KHDRBS2: variants seen among roughly 807,000 people sequenced by gnomAD.
The protein encoded by KHDRBS2 is KH RNA binding domain containing, signal transduction associated 2.
KHDRBS2 carries 26 observed loss-of-function variants against 44.3 expected under a neutral mutation model. That is an observed-to-expected ratio of 0.59 (90% CI 0.43 to 0.81). The LOEUF is 0.81. Among genes scored for constraint, KHDRBS2 ranks in the 40% least tolerant of loss-of-function variants. KHDRBS2 has a pLI of 0.00. For synonymous variants in KHDRBS2, 194 were observed against 151.1 expected (o/e 1.28, Z -2.08); for missense variants, 476 against 433.1 (o/e 1.10, Z -0.88).
chr6:61,669,900 T>C, the KHDRBS2 span, among the ~76,000 whole-genome samples: 1 of 151,064 alleles, frequency 6.6e-6, no homozygotes, highest in Admixed American at 6.6e-5. Context: ...TAGCTTATTT[T>C]TCACTAAGAA....
chr6:61,666,991 G>GTTTTT, the KHDRBS2 span, among the ~76,000 whole-genome samples: 1 of 140,524 alleles, frequency 7.1e-6, no homozygotes, highest in Non-Finnish European at 1.5e-5. Flanking sequence ...AACCTTCTGG[G>GTTTTT]TTTTTTTTTT....
chr6:61,929,686 T>G (rs1809655690), intron 4 of KHDRBS2, among the ~76,000 whole-genome samples: 1 of 152,112 alleles, frequency 6.6e-6, no homozygotes, highest in African/African-American at 2.4e-5. Context: ...GTTCCTGAAA[T>G]ATAACAAAAA....
At chr6:61,993,664 TA>T (rs1562600792) in intron 3 of KHDRBS2, among the ~76,000 whole-genome samples, 4 of 123,372 alleles carry the variant, frequency 3.2e-5, no homozygotes, top group African/African-American at 1.1e-4. Context: ...TATATATATA[TA>T]TATATATATT....
At chr6:62,153,949 A>G (rs1815797791) in intron 2 of KHDRBS2, among the ~76,000 whole-genome samples, 1 of 152,156 alleles carries the variant, frequency 6.6e-6, no homozygotes, top group Admixed American at 6.5e-5. Context: ...GAGTCACAAA[A>G]TAGGCCTCTC....
chr6:62,111,115 A>G (rs1377811513), intron 2 of KHDRBS2, among the ~76,000 whole-genome samples: 1 of 152,064 alleles, frequency 6.6e-6, no homozygotes, highest in Admixed American at 6.6e-5. Context: ...ATTTAATTGT[A>G]TTTTTCACAC....
At chr6:61,558,472 GGA>G in the KHDRBS2 span, among the ~76,000 whole-genome samples, 1 of 152,116 alleles carries the variant, frequency 6.6e-6, no homozygotes, top group Non-Finnish European at 1.5e-5. Context: ...TGAGATAGGA[GGA>G]TAGCTTGAGC....
chr6:62,147,808 C>A (rs1401007810), intron 2 of KHDRBS2, among the ~76,000 whole-genome samples: 1 of 151,960 alleles, frequency 6.6e-6, no homozygotes, highest in African/African-American at 2.4e-5. Flanking sequence ...AGTTTCTTTG[C>A]TCTTCTCTAT....
chr6:61,903,030 C>T (rs1168874272), intron 4 of KHDRBS2, among the ~76,000 whole-genome samples: 2 of 152,132 alleles, frequency 1.3e-5, no homozygotes, highest in East Asian at 3.8e-4. Flanking sequence ...ACACAGTTAG[C>T]TGACAAAAGA....
the KHDRBS2 span, among the ~76,000 whole-genome samples, chr6:61,670,721 G>T: frequency 4.1e-5 from 4 of 98,220 alleles, no homozygotes; most frequent in African/African-American, 1.7e-4. Context: ...AGAGATGTTT[G>T]CTCATCTAGT....
intron 6 of KHDRBS2, among the ~76,000 whole-genome samples, chr6:61,848,504 T>TATATATAC (rs1794823865): frequency 1.8e-5 from 1 of 55,188 alleles, no homozygotes; most frequent in Non-Finnish European, 3.2e-5. Context: ...TATATATATA[T>TATATATAC]ATATATGTAT....
chr6:61,603,569 G>A, the KHDRBS2 span, among the ~76,000 whole-genome samples: 1 of 152,134 alleles, frequency 6.6e-6, no homozygotes, highest in South Asian at 2.1e-4. Flanking sequence ...TGACCTTAAT[G>A]TTTTAGCCTA....
intron 4 of KHDRBS2, among the ~76,000 whole-genome samples, chr6:61,907,820 A>C (rs1805301298): frequency 6.6e-6 from 1 of 152,206 alleles, no homozygotes; most frequent in Non-Finnish European, 1.5e-5. Context: ...TTCATTCATT[A>C]GTACAGGAGT....
At chr6:62,049,097 T>TCA (rs1421392085) in intron 2 of KHDRBS2, among the ~76,000 whole-genome samples, 2 of 151,916 alleles carry the variant, frequency 1.3e-5, no homozygotes, top group Admixed American at 1.3e-4. Flanking sequence ...ATGTCTGCTC[T>TCA]TACCCCTTTT....
intron 1 of KHDRBS2, among the ~76,000 whole-genome samples, chr6:62,243,419 C>T (rs1403702925): frequency 6.6e-6 from 1 of 151,908 alleles, no homozygotes; most frequent in Non-Finnish European, 1.5e-5. Context: ...ATTCAGTAAC[C>T]TCAACATAGA....
chr6:61,790,727 C>T (rs1784514793), intron 6 of KHDRBS2, among the ~76,000 whole-genome samples: 1 of 151,536 alleles, frequency 6.6e-6, no homozygotes, highest in African/African-American at 2.4e-5. Context: ...CAGTAATTTA[C>T]CTTTCATGCA....
intron 1 of KHDRBS2, among the ~76,000 whole-genome samples, chr6:62,269,284 T>C (rs1171670251): frequency 6.6e-6 from 1 of 151,936 alleles, no homozygotes; most frequent in African/African-American, 2.4e-5. Flanking sequence ...CTCTGAAAGA[T>C]GAAAATATTA....
chr6:61,984,762 TA>T (rs1359645341), intron 3 of KHDRBS2, among the ~76,000 whole-genome samples: 2 of 152,228 alleles, frequency 1.3e-5, no homozygotes, highest in African/African-American at 4.8e-5. Context: ...TTTCCTCTGT[TA>T]ATCTATTGTC....
chr6:62,231,168 T>C (rs1832835679), intron 1 of KHDRBS2, among the ~76,000 whole-genome samples: 1 of 152,206 alleles, frequency 6.6e-6, no homozygotes, highest in African/African-American at 2.4e-5. Context: ...GAGATCCAAA[T>C]GTACACACAA....
chr6:61,961,696 G>T (rs1307080094), intron 4 of KHDRBS2, among the ~76,000 whole-genome samples: 4 of 152,052 alleles, frequency 2.6e-5, no homozygotes, highest in Non-Finnish European at 5.9e-5. Flanking sequence ...CTTGCGCATG[G>T]GTACAGTGAA....
Sources: allele counts gnomAD v4.1 joint callset (sites outside exome capture counted in the v4.1 genomes callset), GRCh38; gene constraint gnomAD v4.1.1; transcripts MANE v1.5; gene names NCBI Gene and HGNC (gene_info 2026-07-23, HGNC 2026-07-21).